The following NAA11 variants were observed in gnomAD, a reference collection of about 807,000 sequenced individuals.
NAA11 encodes N-alpha-acetyltransferase 11.
NAA11 carries 15 observed loss-of-function variants against 16.1 expected under a neutral mutation model. The ratio of observed to expected loss-of-function variants is 0.93; its 90% CI spans 0.62 to 1.44. The LOEUF is 1.44. NAA11 is among the 40% of genes most tolerant of loss of function. The pLI, the probability that NAA11 is intolerant of heterozygous loss-of-function variation, is 0.00. For synonymous variants in NAA11, 122 were observed against 112.4 expected (o/e 1.09, Z -0.54); for missense variants, 298 against 291.3 (o/e 1.02, Z -0.17).
intron 1 of NAA11, among the ~76,000 whole-genome samples, chr4:79,320,491 T>C (rs148926626): frequency 3.5e-4 from 53 of 152,334 alleles, no homozygotes; most frequent in Middle Eastern, 3.4e-3. Flanking sequence ...GTTTGCATCC[T>C]TGTTTTCCAC....
chr4:79,231,212 G>T (rs1015621230), intron 2 of NAA11, among the ~76,000 whole-genome samples: 2 of 151,932 alleles, frequency 1.3e-5, no homozygotes, highest in Admixed American at 6.6e-5. Context: ...TATTCTAGAA[G>T]AAAGAAACCT....
intron 1 of NAA11, among the ~76,000 whole-genome samples, chr4:79,319,564 AAACC>A (rs1251530483): frequency 3.3e-5 from 5 of 152,194 alleles, no homozygotes; most frequent in African/African-American, 1.2e-4. Flanking sequence ...AATTTAGGAA[AAACC>A]TCTGCTTTTA....
the NAA11 span, among the ~76,000 whole-genome samples, chr4:79,158,232 C>T: frequency 1.3e-5 from 2 of 151,976 alleles, no homozygotes; most frequent in Non-Finnish European, 2.9e-5. Context: ...CTCCAAAAAG[C>T]TCCTAGAACT....
intron 2 of NAA11, among the ~76,000 whole-genome samples, chr4:79,257,650 T>C (rs915697488): frequency 2.6e-5 from 4 of 152,174 alleles, no homozygotes; most frequent in African/African-American, 7.2e-5. Context: ...TGGTGTTTGA[T>C]CTTTATTTCA....
the NAA11 span, among the ~76,000 whole-genome samples, chr4:79,166,979 C>T: frequency 6.8e-6 from 1 of 146,646 alleles, no homozygotes; most frequent in African/African-American, 2.5e-5. Context: ...AGGGGTGAAA[C>T]TTTGGCCCAG....
intron 2 of NAA11, among the ~76,000 whole-genome samples, chr4:79,271,762 T>G (rs532677571): frequency 9.9e-5 from 15 of 152,182 alleles, no homozygotes; most frequent in Admixed American, 4.6e-4. Context: ...TTAGGCTGTG[T>G]AAATTCATTT....
the NAA11 span, among the ~76,000 whole-genome samples, chr4:79,156,842 C>A: frequency 6.6e-6 from 1 of 152,196 alleles, no homozygotes; most frequent in Non-Finnish European, 1.5e-5. Flanking sequence ...TAATTGATGT[C>A]TTCTGCCACA....
the NAA11 span, among the ~76,000 whole-genome samples, chr4:79,185,145 TTC>T: frequency 6.6e-6 from 1 of 152,160 alleles, no homozygotes; most frequent in Admixed American, 6.5e-5. Context: ...TGTAGGTTCT[TTC>T]TCTCTATTTT....
the NAA11 span, among the ~76,000 whole-genome samples, chr4:79,164,923 A>C: frequency 6.6e-6 from 1 of 152,202 alleles, no homozygotes; most frequent in South Asian, 2.1e-4. Context: ...CAACTGCCTA[A>C]TGTCTTTCAA....
chr4:79,278,223 T>C (rs1236907611), intron 2 of NAA11, among the ~76,000 whole-genome samples: 1 of 152,144 alleles, frequency 6.6e-6, no homozygotes, highest in East Asian at 1.9e-4. Context: ...AACTCTCTAA[T>C]TGAAATCTGT....
intron 1 of NAA11, among the ~76,000 whole-genome samples, chr4:79,303,602 T>G (rs1578188613): frequency 6.6e-6 from 1 of 152,226 alleles, no homozygotes; most frequent in Non-Finnish European, 1.5e-5. Flanking sequence ...TTGGAGCAGA[T>G]AGGCTTTGGT....
At chr4:79,225,717 A>C (rs1721293720) in exon 3 of NAA11, 1 of 152,080 alleles carries the variant, frequency 6.6e-6, no homozygotes, top group African/African-American at 2.4e-5. Context: ...TTTTCCTTTA[A>C]GTCTGGAGTC....
chr4:79,241,388 G>A (rs1048765112), intron 2 of NAA11, among the ~76,000 whole-genome samples: 18 of 152,312 alleles, frequency 1.2e-4, no homozygotes, highest in Non-Finnish European at 2.2e-4. Context: ...TAGTAGCTAA[G>A]TTTTGGGGAA....
chr4:79,292,719 C>G (rs371772233), intron 2 of NAA11, among the ~76,000 whole-genome samples: 3 of 152,188 alleles, frequency 2.0e-5, no homozygotes, highest in East Asian at 3.8e-4. Flanking sequence ...TTACTCAGTA[C>G]AAAGGAATAT....
the NAA11 span, among the ~76,000 whole-genome samples, chr4:79,161,950 G>T: frequency 1.3e-5 from 2 of 152,132 alleles, no homozygotes; most frequent in Non-Finnish European, 2.9e-5. Flanking sequence ...CAAAGTGCTG[G>T]GATTAGAGGC....
chr4:79,249,023 G>A (rs529637318), intron 2 of NAA11, among the ~76,000 whole-genome samples: 6 of 152,312 alleles, frequency 3.9e-5, no homozygotes, highest in African/African-American at 1.4e-4. Flanking sequence ...TCCTAACTGT[G>A]AGGGGCCAGA....
chr4:79,320,924 A>G (rs1354782635), intron 1 of NAA11, among the ~76,000 whole-genome samples: 1 of 152,174 alleles, frequency 6.6e-6, no homozygotes, highest in Admixed American at 6.6e-5. Context: ...TCTTCACTGT[A>G]GCCTTTCTCC....
chr4:79,237,087 C>T (rs1341408631), intron 2 of NAA11, among the ~76,000 whole-genome samples: 3 of 152,146 alleles, frequency 2.0e-5, no homozygotes, highest in Non-Finnish European at 4.4e-5. Context: ...GGAACAGCTA[C>T]AAATGTATTC....
chr4:79,159,878 GT>G, the NAA11 span, among the ~76,000 whole-genome samples: 5 of 151,590 alleles, frequency 3.3e-5, no homozygotes, highest in East Asian at 1.9e-4. Context: ...GAATGTGTCA[GT>G]TTTTTTCTTC....
Sources: allele counts gnomAD v4.1 joint callset (sites outside exome capture counted in the v4.1 genomes callset), GRCh38; gene constraint gnomAD v4.1.1; transcripts MANE v1.5; gene names NCBI Gene and HGNC (gene_info 2026-07-23, HGNC 2026-07-21).